Variants in MLYCD observed in about 807,000 individuals in gnomAD.
MLYCD encodes the protein malonyl-CoA decarboxylase, also known as malonyl-CoA decarboxylase, mitochondrial.
A neutral mutation model predicts 35.8 loss-of-function variants in MLYCD; 27 were observed. That is an observed-to-expected ratio of 0.75 (90% CI 0.56 to 1.04). MLYCD has a LOEUF of 1.04. Among genes scored for constraint, MLYCD ranks in the 50% least tolerant of loss-of-function variants. The pLI is 0.00. For synonymous variants in MLYCD, 403 were observed against 302.4 expected, an observed-to-expected ratio of 1.33 and a Z score of -3.45; for missense variants, 917 against 665.1, an observed-to-expected ratio of 1.38 and a Z score of -4.17.
Position 83,915,019 on chromosome 16 carries a change from C to T in MLYCD, c.1012C>T (p.Leu338Phe). 1 of 1,614,218 alleles carries T rather than the reference C, an allele frequency of 6.2e-7. No homozygotes were observed. Among genetic ancestry groups the T allele is most frequent in the Non-Finnish European group, 8.5e-7 (1 of 1,180,048 alleles). Residue 338 changes from leucine (L) to phenylalanine (F), a missense_variant, in exon 5 of 5, where the codon CTT becomes TTT. Leu to Phe is a conservative substitution (Grantham distance 22). Coordinates refer to ENST00000262430, the MANE Select transcript of MLYCD (RefSeq NM_012213.3). ...LSPIPGFTKW[L>F]LGLLNSQTKE... Reference sequence around the variant, plus strand: ...ACCTATACCTGGTTTCACCAAATGGCTTCTGGGGCTTCTGAACTCGCAAAC... The same window carrying T: ...ACCTATACCTGGTTTCACCAAATGGTTTCTGGGGCTTCTGAACTCGCAAAC...
intron 1 of MLYCD, among the ~76,000 whole-genome samples, chr16:83,902,747 C>T (rs1368315738): frequency 6.6e-6 from 1 of 152,146 alleles, no homozygotes; most frequent in Non-Finnish European, 1.5e-5. Context: ...CTCAGATGAT[C>T]CGCCCGCCTT....
chr16:83,903,901 C>A (rs1042556508), intron 1 of MLYCD, among the ~76,000 whole-genome samples: 1 of 152,178 alleles, frequency 6.6e-6, no homozygotes, highest in Non-Finnish European at 1.5e-5. Context: ...AACGCACGTA[C>A]AGTTGCAGAG....
At chr16:83,902,155 GTA>G (rs386385269) in intron 1 of MLYCD, among the ~76,000 whole-genome samples, 6,587 of 87,120 alleles carry the variant, frequency 0.076, 345 homozygotes, top group African/African-American at 0.12. Context: ...GTGTGCGTGC[GTA>G]TATATATATA....
At position 83,912,104 on chromosome 16, in the gene MLYCD, C is replaced by T. The variant is rs568900284; in HGVS notation, c.799-114C>T. 1.1e-4 allele frequency: 157 copies of T among 1,469,408 alleles called. 1 individual carries two copies. The East Asian group carries it at 3.6e-3, about 33-fold the overall frequency. The allele number at this position is 1,469,408 out of a possible 1,614,324, so 91.0% of individuals were successfully genotyped here. A position where few individuals can be genotyped will look rare whatever the true frequency, so the allele number is the denominator to read the frequency against. ...TGAACCCCAGCTGGGGAGCCGAGGT[C>T]TCTTCCAGCTCCTTCAGTGCTCTGA... On this transcript the variant is annotated intron_variant, in intron 3 of 4. Transcript: ENST00000262430.
intron 3 of MLYCD, among the ~76,000 whole-genome samples, chr16:83,910,695 A>C (rs1266140476): frequency 6.7e-6 from 1 of 148,950 alleles, no homozygotes; most frequent in Non-Finnish European, 1.5e-5. Context: ...CATCTCAAAA[A>C]AAAAAAAAAA....
At chr16:83,912,146 C>A in intron 3 of MLYCD, 72 bp from the exon 4 acceptor site, 2 of 1,601,464 alleles carry the variant, frequency 1.2e-6, no homozygotes, top group African/African-American at 1.3e-5. Context: ...TCTTCTCGTC[C>A]CAGCAACAGG....
At chr16:83,912,821 G>T in intron 4 of MLYCD, 1 of 273,696 alleles carries the variant, frequency 3.7e-6, no homozygotes. Context: ...GTTAGCTTGG[G>T]CCTTCTCATG....
rs563907654 is a variant in MLYCD, at chr16:83,912,311, C to G, written c.892C>G (p.Leu298Val). ...TTCCATCAGCTTGACCCAGCAGGGACTCCAAGGGGTGGAGCTGGGAACATT... is the reference window on the plus strand; with the variant it reads ...TTCCATCAGCTTGACCCAGCAGGGAGTCCAAGGGGTGGAGCTGGGAACATT... ...FYSISLTQQGLQGVELGTFLI... is the reference protein window; with the variant it reads ...FYSISLTQQGVQGVELGTFLI... Residue 298 changes from leucine (L) to valine (V), a missense_variant, in exon 4 of 5, where the codon CTC (leucine) becomes GTC (valine). Physicochemically the swap from Leu to Val is conservative, Grantham distance 32 (BLOSUM62 1). Transcript: ENST00000262430. 1.7e-5 allele frequency: 28 copies of G among 1,614,222 alleles called. No homozygotes were observed. The African/African-American group carries it at 3.7e-4, about 22-fold the overall frequency.
chr16:83,906,386 G>A (rs1399612210), intron 1 of MLYCD, among the ~76,000 whole-genome samples: 2 of 152,042 alleles, frequency 1.3e-5, no homozygotes, highest in Non-Finnish European at 2.9e-5. Flanking sequence ...GTGAGACCCC[G>A]TCTCTTAAAA....
In MLYCD at chr16:83,917,671, G is replaced by T. The variant is rs558212702; in HGVS notation, c.*2182G>T. Reference sequence around the variant, plus strand: ...GGCAACCTGCCCGCCCTTCTTGCGGGCAGAGTTCTTTACCGTAAGCGTCCC... The same window carrying T: ...GGCAACCTGCCCGCCCTTCTTGCGGTCAGAGTTCTTTACCGTAAGCGTCCC... On this transcript the variant is annotated 3_prime_UTR_variant, in exon 5 of 5. Transcript: ENST00000262430. The T allele has an allele frequency of 1.2e-4, 18 of 152,388 alleles. No homozygotes were observed. Among genetic ancestry groups the T allele is most frequent in the African/African-American group, 3.8e-4 (16 of 41,598 alleles). 9.4% of individuals were successfully genotyped at this position (152,388 alleles called of 1,614,324 possible).
chr16:83,915,608 G>C lies in MLYCD; in HGVS notation c.*119G>C. ...CAAAGCCAAAGTTGACTGTGTTCTT[G>C]TCCCGCAGCCGGTCCACACTGTGAG... On this transcript the variant is annotated 3_prime_UTR_variant, in exon 5 of 5. Transcript: ENST00000262430. The C allele has an allele frequency of 6.5e-7, 1 of 1,534,286 alleles. No individual in the cohort carries two copies. The highest frequency in any genetic ancestry group is 1.2e-5 in the South Asian group (1 of 83,552).
chr16:83,914,375 A>C (rs2151059706), intron 4 of MLYCD: 1 of 179,492 alleles, frequency 5.6e-6, no homozygotes, highest in South Asian at 1.2e-4. Context: ...GCCGAGCAGC[A>C]GAGCAGCTTC....
chr16:83,910,747 G>A (rs960921011), intron 3 of MLYCD, among the ~76,000 whole-genome samples: 59 of 151,440 alleles, frequency 3.9e-4, no homozygotes, highest in African/African-American at 1.1e-3. Context: ...AGTGAGCTCC[G>A]TCCTATGAAC....
chr16:83,912,239 C>A lies in MLYCD; in HGVS notation c.820C>A (p.Pro274Thr). The change falls in exon 4 of 5, where the codon CCA becomes ACA. Residue 274 changes from proline (P) to threonine (T), a missense_variant. Pro to Thr is a conservative substitution (Grantham distance 38). Coordinates refer to ENST00000262430, the MANE Select transcript of MLYCD (RefSeq NM_012213.3). The stretch of plus-strand genomic sequence containing the variant: ...CCAGGCAATCGTGAAGGAACATCCT[C>A]CATCAGAAACAGAAGAGAAGAACAA... ...NIQAIVKEHP[P>T]SETEEKNKIT... 1 of 1,614,200 alleles carries A rather than the reference C, an allele frequency of 6.2e-7. No homozygotes were observed. The highest frequency in any genetic ancestry group is 8.5e-7 in the Non-Finnish European group (1 of 1,180,040).
Position 83,921,758 on chromosome 16 carries a change from G to C in MLYCD, c.*6269G>C, listed in dbSNP as rs1267573530. On this transcript the variant is annotated 3_prime_UTR_variant, in exon 5 of 5. Transcript: ENST00000262430. Reference sequence around the variant, plus strand: ...CAGCTCCTCGCTTTTCCTGAGGGATGATCTGACCACCCATTCTTACACATG... The same window carrying C: ...CAGCTCCTCGCTTTTCCTGAGGGATCATCTGACCACCCATTCTTACACATG... The C allele has an allele frequency of 6.8e-6, 1 of 147,484 alleles. No individual in the cohort carries two copies. The highest frequency in any genetic ancestry group is 1.5e-5 in the Non-Finnish European group (1 of 65,860). The allele number at this position is 147,484 out of a possible 1,614,324, so 9.1% of individuals were successfully genotyped here.
intron 3 of MLYCD, among the ~76,000 whole-genome samples, chr16:83,909,059 C>A (rs1033138495): frequency 2.6e-5 from 4 of 152,116 alleles, no homozygotes; most frequent in Non-Finnish European, 5.9e-5. Flanking sequence ...AATGAGCAGA[C>A]ATTCCTGATC....
Position 83,908,282 on chromosome 16 carries a change from G to A in MLYCD, c.798G>A (p.Gln266=). 6.2e-7 allele frequency: 1 copy of A among 1,614,054 alleles called. No homozygotes were observed. The highest frequency in any genetic ancestry group is 8.5e-7 in the Non-Finnish European group (1 of 1,180,018). ...CTGGTGACATCTCCAGCAACATCCAGGTACCTGCGATGGTCAATTCGGGAC... is the reference window on the plus strand; with the variant it reads ...CTGGTGACATCTCCAGCAACATCCAAGTACCTGCGATGGTCAATTCGGGAC... ...ALTGDISSNI[Q]AIVKEHPPSE... Residue 266 remains glutamine, a splice_region_variant and synonymous_variant, in exon 3 of 5, where the codon CAG becomes CAA. Transcript: ENST00000262430.
rs1046651976 is a variant in MLYCD, at chr16:83,915,451, A to G, written c.1444A>G (p.Ser482Gly). The change falls in exon 5 of 5, where the codon AGC (serine) becomes GGC (glycine). Residue 482 changes from serine to glycine, a missense_variant. Physicochemically the swap from Ser to Gly is moderately conservative, Grantham distance 56. Coordinates refer to ENST00000262430, the MANE Select transcript of MLYCD (RefSeq NM_012213.3). ...KIIKASEQVL[S>G]LVAQFQKNSK... ...CATCAAAGCCTCTGAGCAGGTCCTC[A>G]GCCTAGTGGCCCAGTTTCAAAAGAA... The G allele has an allele frequency of 3.1e-6, 5 of 1,613,286 alleles. No individual in the cohort carries two copies. The highest frequency in any genetic ancestry group is 3.4e-6 in the Non-Finnish European group (4 of 1,180,028).
At chr16:83,902,088 C>T (rs1906807510) in intron 1 of MLYCD, among the ~76,000 whole-genome samples, 1 of 142,224 alleles carries the variant, frequency 7.0e-6, no homozygotes, top group Non-Finnish European at 1.5e-5. Context: ...CCTTGTTCTA[C>T]GTAGTTGTTT....
Sources: allele counts gnomAD v4.1 joint callset (sites outside exome capture counted in the v4.1 genomes callset), GRCh38; gene constraint gnomAD v4.1.1; transcripts MANE v1.5; gene names NCBI Gene and HGNC (gene_info 2026-07-23, HGNC 2026-07-21).